CA10: variants seen among roughly 807,000 people sequenced by gnomAD.
CA10 encodes carbonic anhydrase-related protein 10.
Under a neutral mutation model 44.2 loss-of-function variants are expected in CA10, and 14 were observed. The observed-to-expected ratio is 0.32, with a 90% confidence interval of 0.21 to 0.50. The LOEUF is 0.50. Among genes scored for constraint, CA10 ranks in the 20% least tolerant of loss-of-function variants. The probability of loss-of-function intolerance (pLI) is 0.99; values close to 1 mark genes in which losing one functional copy is unlikely to be tolerated. For missense variants in CA10, 350 were observed against 409.7 expected (o/e 0.85, Z 1.26); for synonymous variants, 159 against 141.6 (o/e 1.12, Z -0.87).
In CA10 at chr17:52,130,664, T is replaced by A. The variant is rs181906907; in HGVS notation, c.61+27062A>T. ...ACTAGATGGTGCAGGGTTGGGGAGA[T>A]GGCGGTCAAAGGATATACATGTCTT... is the stretch of plus-strand genomic sequence containing the variant. On this transcript the variant is annotated intron_variant, in intron 1 of 8. Coordinates refer to ENST00000451037, the MANE Select transcript of CA10 (RefSeq NM_020178.5). Among the ~76,000 whole-genome samples, 441 of 152,232 alleles carry A rather than the reference T, an allele frequency of 2.9e-3. 3 individuals are homozygous for A. Among genetic ancestry groups the A allele is most frequent in the African/African-American group, 0.01 (425 of 41,558 alleles).
intron 4 of CA10, among the ~76,000 whole-genome samples, chr17:51,685,873 T>C (rs1914991409): frequency 1.3e-5 from 2 of 152,176 alleles, no homozygotes; most frequent in Admixed American, 1.3e-4. Context: ...CAAAGAGGAA[T>C]ACAAATGGCC....
chr17:51,846,667 C>A (rs756051668), intron 3 of CA10, among the ~76,000 whole-genome samples: 3 of 152,224 alleles, frequency 2.0e-5, no homozygotes, highest in African/African-American at 2.4e-5. Flanking sequence ...GGATGTTTTA[C>A]TCTTTACTAC....
intron 2 of CA10, among the ~76,000 whole-genome samples, chr17:51,956,224 A>T (rs376294439): frequency 6.6e-6 from 1 of 152,036 alleles, no homozygotes; most frequent in Admixed American, 6.6e-5. Context: ...AGTCTCCTTG[A>T]TTCTAAGGAG....
chr17:52,132,863 G>A (rs1032120358), intron 1 of CA10, among the ~76,000 whole-genome samples: 5 of 152,126 alleles, frequency 3.3e-5, no homozygotes, highest in African/African-American at 7.2e-5. Context: ...GTGACATCTC[G>A]TGGCTCAACC....
chr17:51,988,656 TC>T (rs1187250563), intron 2 of CA10, among the ~76,000 whole-genome samples: 3 of 152,030 alleles, frequency 2.0e-5, no homozygotes, highest in Non-Finnish European at 2.9e-5. Context: ...GAATAAACAT[TC>T]TTTATTTTTA....
chr17:51,930,372 C>G (rs1982603089), intron 3 of CA10, among the ~76,000 whole-genome samples: 1 of 151,998 alleles, frequency 6.6e-6, no homozygotes, highest in South Asian at 2.1e-4. Flanking sequence ...TGAGAAGACC[C>G]AATGGGCACT....
intron 3 of CA10, among the ~76,000 whole-genome samples, chr17:51,883,793 T>C (rs1197858292): frequency 1.3e-5 from 2 of 152,144 alleles, no homozygotes; most frequent in South Asian, 2.1e-4. Context: ...ATATCATCTA[T>C]GTTAAATACA....
intron 3 of CA10, among the ~76,000 whole-genome samples, chr17:51,847,977 G>T (rs1012264768): frequency 4.6e-5 from 7 of 152,150 alleles, no homozygotes; most frequent in East Asian, 3.9e-4. Flanking sequence ...CATATAATCT[G>T]ACATCAAGGA....
chr17:51,961,094 T>C (rs1013856458), intron 2 of CA10, among the ~76,000 whole-genome samples: 2 of 152,092 alleles, frequency 1.3e-5, no homozygotes, highest in African/African-American at 4.8e-5. Context: ...CAGTTTCTAA[T>C]GGCTTGCCCT....
rs995317505 is a variant in CA10 at position 52,138,840 on chromosome 17, A to T, written c.61+18886T>A. Among the ~76,000 whole-genome samples, 3 of 152,194 alleles carry T rather than the reference A, an allele frequency of 2.0e-5. No homozygotes were observed. In the South Asian group the frequency reaches 6.2e-4, roughly 32 times the overall value. On this transcript the variant is annotated intron_variant, in intron 1 of 8. Coordinates refer to ENST00000451037, the MANE Select transcript of CA10 (RefSeq NM_020178.5). ...AGCACCTCAAGTGCTTTAATAAAAAATTTTTTCTGCTTATAGTAGTCCTGA... is the reference window on the plus strand; with the variant it reads ...AGCACCTCAAGTGCTTTAATAAAAATTTTTTTCTGCTTATAGTAGTCCTGA...
intron 1 of CA10, among the ~76,000 whole-genome samples, chr17:52,122,822 A>T (rs1165310906): frequency 6.6e-6 from 1 of 152,156 alleles, no homozygotes; most frequent in Non-Finnish European, 1.5e-5. Flanking sequence ...TTTAACATTA[A>T]CTTTTCCATT....
At chr17:51,797,451 A>T (rs1430266463) in intron 3 of CA10, among the ~76,000 whole-genome samples, 1 of 152,140 alleles carries the variant, frequency 6.6e-6, no homozygotes, top group Admixed American at 6.5e-5. Context: ...AAACTTGACT[A>T]TGCCTACTGA....
intron 2 of CA10, among the ~76,000 whole-genome samples, chr17:52,038,722 C>G (rs572545054): frequency 1.3e-5 from 2 of 152,228 alleles, no homozygotes; most frequent in African/African-American, 4.8e-5. Flanking sequence ...TGGAACAACT[C>G]TCTGTATCTA....
chr17:51,824,383 C>T (rs1434303894), intron 3 of CA10, among the ~76,000 whole-genome samples: 4 of 152,030 alleles, frequency 2.6e-5, no homozygotes, highest in African/African-American at 7.3e-5. Context: ...AGAGAGGCAC[C>T]CATCTCCCTG....
At chr17:52,035,944 C>T (rs1986605538) in intron 2 of CA10, among the ~76,000 whole-genome samples, 1 of 152,228 alleles carries the variant, frequency 6.6e-6, no homozygotes, top group South Asian at 2.1e-4. Flanking sequence ...CATGGACTCT[C>T]AGGCTGTAGT....
At chr17:51,749,929 C>A (rs75567361) in intron 3 of CA10, among the ~76,000 whole-genome samples, 1,671 of 152,298 alleles carry the variant, frequency 0.011, 21 homozygotes, top group African/African-American at 0.038. Flanking sequence ...CTACACCTTA[C>A]CAATACATTT....
chr17:52,015,190 C>T (rs1016277267), intron 2 of CA10, among the ~76,000 whole-genome samples: 17 of 152,090 alleles, frequency 1.1e-4, no homozygotes, highest in East Asian at 5.8e-4. Flanking sequence ...AGTATATAGA[C>T]GTATAATGAC....
At chr17:51,744,080 G>A (rs1475192768) in intron 4 of CA10, among the ~76,000 whole-genome samples, 4 of 152,262 alleles carry the variant, frequency 2.6e-5, no homozygotes, top group South Asian at 2.1e-4. Context: ...AGCACTTCGG[G>A]AGGCCGAGGT....
intron 2 of CA10, among the ~76,000 whole-genome samples, chr17:52,013,227 TAGG>T (rs1245448033): frequency 2.0e-5 from 3 of 151,914 alleles, no homozygotes; most frequent in African/African-American, 7.2e-5. Context: ...TAAATCAATG[TAGG>T]AGTAGTCAGA....
Sources: gnomAD v4.1 joint callset for allele counts (sites outside exome capture counted in the v4.1 genomes callset) on GRCh38, gnomAD v4.1.1 for gene constraint, MANE v1.5 for transcripts, NCBI Gene and HGNC (gene_info 2026-07-23, HGNC 2026-07-21) for gene names.